The following TMEM178A variants were observed in gnomAD, a reference collection of about 807,000 sequenced individuals.
TMEM178A encodes transmembrane protein 178.
A neutral mutation model predicts 29.1 loss-of-function variants in TMEM178A; 12 were observed. The observed-to-expected ratio is 0.41, with a 90% confidence interval of 0.26 to 0.67. TMEM178A has a LOEUF of 0.67. TMEM178A is among the 30% of genes least tolerant of loss of function. The pLI is 0.29. For missense variants in TMEM178A, 366 were observed against 419.1 expected (o/e 0.87, Z 1.11); for synonymous variants, 210 against 187.2 (o/e 1.12, Z -0.99).
chr2:39,730,809 C>T, the TMEM178A span, among the ~76,000 whole-genome samples: 7 of 152,310 alleles, frequency 4.6e-5, no homozygotes, highest in Non-Finnish European at 1.0e-4. Context: ...ATTTTAATAG[C>T]GTAATTAGGA....
At chr2:39,667,730 G>A (rs968073223) in intron 1 of TMEM178A, among the ~76,000 whole-genome samples, 5 of 152,186 alleles carry the variant, frequency 3.3e-5, no homozygotes, top group South Asian at 2.1e-4. Flanking sequence ...ATCTGTCTGC[G>A]TGTGGAAGGA....
chr2:39,672,956 T>C (rs924561244), intron 1 of TMEM178A, among the ~76,000 whole-genome samples: 1 of 152,116 alleles, frequency 6.6e-6, no homozygotes, highest in Non-Finnish European at 1.5e-5. Flanking sequence ...GATGGGAACA[T>C]TGAAGGAATT....
chr2:39,702,233 A>C (rs1671812681), intron 1 of TMEM178A, among the ~76,000 whole-genome samples: 1 of 152,114 alleles, frequency 6.6e-6, no homozygotes, highest in East Asian at 1.9e-4. Flanking sequence ...GACTTTCCTG[A>C]ACGAATCCTA....
the TMEM178A span, among the ~76,000 whole-genome samples, chr2:39,724,741 A>C: frequency 1.3e-5 from 2 of 152,198 alleles, no homozygotes; most frequent in African/African-American, 2.4e-5. Context: ...CTTTGACAGC[A>C]GAGGAACAGA....
intron 1 of TMEM178A, among the ~76,000 whole-genome samples, chr2:39,672,422 T>C (rs1670443514): frequency 6.6e-6 from 1 of 152,370 alleles, no homozygotes; most frequent in East Asian, 1.9e-4. Context: ...CCCGAGTTGC[T>C]GTGCTTTTTT....
At chr2:39,706,968 G>C in intron 2 of TMEM178A, 81 bp from the exon 3 acceptor site, 1 of 1,493,312 alleles carries the variant, frequency 6.7e-7, no homozygotes, top group Non-Finnish European at 9.0e-7. Context: ...TTTTCACAAT[G>C]TATACAAAGC....
intron 3 of TMEM178A, among the ~76,000 whole-genome samples, chr2:39,711,010 A>G (rs531134769): frequency 6.6e-6 from 1 of 152,286 alleles, no homozygotes; most frequent in Admixed American, 6.5e-5. Context: ...GCCAGGTCTC[A>G]CCCCTCTTCC....
At chr2:39,720,626 CTCTT>C (rs1478992711), downstream of TMEM178A, among the ~76,000 whole-genome samples, 1 of 152,238 alleles carries the variant, frequency 6.6e-6, no homozygotes, top group Non-Finnish European at 1.5e-5. Flanking sequence ...AGATCATAGA[CTCTT>C]TCAAGGAGGA....
the TMEM178A span, among the ~76,000 whole-genome samples, chr2:39,731,868 C>G: frequency 6.6e-6 from 1 of 152,170 alleles, no homozygotes; most frequent in Admixed American, 6.5e-5. Flanking sequence ...TGAGCAAGCA[C>G]CAGGATGGCT....
Position 39,710,049 on chromosome 2 carries a change from C to G in TMEM178A, c.652+2863C>G, listed in dbSNP as rs534642992. ...CAGTAGTTTCCTGGGCCAGCTCCACCTCTCCCTGTTCTCAGCCCTTATTTT... is the reference window on the plus strand; with the variant it reads ...CAGTAGTTTCCTGGGCCAGCTCCACGTCTCCCTGTTCTCAGCCCTTATTTT... On this transcript the variant is annotated intron_variant, in intron 3 of 3. Coordinates refer to ENST00000281961, the MANE Select transcript of TMEM178A (RefSeq NM_152390.3). Among the ~76,000 whole-genome samples, 3 of 152,274 alleles carry G rather than the reference C, an allele frequency of 2.0e-5. No homozygotes were observed. In the South Asian group the frequency reaches 6.2e-4, roughly 32 times the overall value.
chr2:39,718,254 A>G (rs544186505), downstream of TMEM178A, among the ~76,000 whole-genome samples: 26 of 151,718 alleles, frequency 1.7e-4, no homozygotes, highest in East Asian at 1.7e-3. Context: ...CCTGTTTACC[A>G]TCTGCCTGGT....
the TMEM178A span, among the ~76,000 whole-genome samples, chr2:39,723,323 G>A: frequency 2.6e-5 from 4 of 152,152 alleles, no homozygotes; most frequent in Non-Finnish European, 5.9e-5. Context: ...TGAACTTAAA[G>A]ACCTGAATAA....
At chr2:39,708,745 G>C (rs1355330090) in intron 3 of TMEM178A, among the ~76,000 whole-genome samples, 6 of 152,110 alleles carry the variant, frequency 3.9e-5, no homozygotes, top group African/African-American at 1.4e-4. Flanking sequence ...TGGAAAGATG[G>C]GGGTGTGGAG....
In TMEM178A at chr2:39,717,048, A is replaced by G; in HGVS notation, c.691A>G (p.Ser231Gly). 1.2e-6 allele frequency: 2 copies of G among 1,609,796 alleles called. No homozygotes were observed. Among genetic ancestry groups the G allele is most frequent in the Middle Eastern group, 1.6e-4 (1 of 6,062 alleles). The change falls in exon 4 of 4, where the codon AGT becomes GGT. Residue 231 changes from serine to glycine, a missense_variant. By Grantham distance (56) the Ser-to-Gly change is moderately conservative. Around this residue, in one of 2 missense-constraint regions of TMEM178A, gnomAD observed 119 missense variants for 172.2 expected, o/e 0.69. Transcript: ENST00000281961. ...CATTTCCCTCTGTACTTATGCCGCC[A>G]GTATCTCGTATGATTTGAACCGGCT... ...CTISLCTYAA[S>G]ISYDLNRLPK...
At chr2:39,706,913 C>T (rs1261982936) in intron 2 of TMEM178A, 136 bp from the exon 3 acceptor site, 9 of 968,182 alleles carry the variant, frequency 9.3e-6, no homozygotes, top group Non-Finnish European at 1.3e-5. Flanking sequence ...ATTCCCTATG[C>T]CTCCTTGTCC....
chr2:39,713,710 G>C (rs2148117293), intron 3 of TMEM178A, among the ~76,000 whole-genome samples: 2 of 152,306 alleles, frequency 1.3e-5, no homozygotes, highest in East Asian at 3.9e-4. Context: ...AAGCCACCCA[G>C]TCCGTGGTAC....
At chr2:39,686,415 G>T (rs1042550610) in intron 1 of TMEM178A, among the ~76,000 whole-genome samples, 2 of 150,022 alleles carry the variant, frequency 1.3e-5, no homozygotes, top group East Asian at 2.0e-4. Context: ...CTTAAATTAG[G>T]TTTTTTTTTT....
At chr2:39,731,250 C>A in the TMEM178A span, among the ~76,000 whole-genome samples, 1 of 152,140 alleles carries the variant, frequency 6.6e-6, no homozygotes, top group East Asian at 1.9e-4. Context: ...GGAGGGTCTT[C>A]AATATAATTC....
chr2:39,692,693 C>T (rs1037021374), intron 1 of TMEM178A, among the ~76,000 whole-genome samples: 2 of 152,060 alleles, frequency 1.3e-5, no homozygotes, highest in Non-Finnish European at 2.9e-5. Context: ...ATGGGCTAGG[C>T]ACTGTGTTAG....
Sources: allele counts gnomAD v4.1 joint callset (sites outside exome capture counted in the v4.1 genomes callset), GRCh38; gene constraint gnomAD v4.1.1; regional missense constraint gnomAD v4.1.1; transcripts MANE v1.5; gene names NCBI Gene and HGNC (gene_info 2026-07-23, HGNC 2026-07-21).